CDK6: variants seen among roughly 807,000 people sequenced by gnomAD.
CDK6 encodes cyclin-dependent kinase 6.
Under a neutral mutation model 37.1 loss-of-function variants are expected in CDK6, and 6 were observed. That is an observed-to-expected ratio of 0.16 (90% CI 0.09 to 0.32). The LOEUF (loss-of-function observed/expected upper bound fraction) is 0.32, where lower values mean the gene tolerates loss of function less well. CDK6 is among the 10% of genes least tolerant of loss of function. The pLI is 1.00. For synonymous variants in CDK6, 160 were observed against 161.3 expected, an observed-to-expected ratio of 0.99 and a Z score of 0.06; for missense variants, 224 against 418.9, an observed-to-expected ratio of 0.53 and a Z score of 4.06.
intron 2 of CDK6, among the ~76,000 whole-genome samples, chr7:92,798,880 A>T (rs1800489727): frequency 6.6e-6 from 1 of 152,170 alleles, no homozygotes; most frequent in Non-Finnish European, 1.5e-5. Context: ...GTCTTCTTCT[A>T]TATGGATCTT....
At chr7:92,696,413 GGAAA>G (rs749062451) in intron 4 of CDK6, among the ~76,000 whole-genome samples, 9 of 151,900 alleles carry the variant, frequency 5.9e-5, no homozygotes, top group Non-Finnish European at 1.0e-4. Context: ...TGTTTCACGG[GGAAA>G]GAATTAATAA....
chr7:92,699,092 C>G (rs1441320793), intron 4 of CDK6, among the ~76,000 whole-genome samples: 1 of 152,164 alleles, frequency 6.6e-6, no homozygotes, highest in African/African-American at 2.4e-5. Flanking sequence ...AAAATAGTAA[C>G]TGATATCTTC....
rs943620333 is a variant in CDK6, at chr7:92,833,890, G to A, written c.-367-200C>T. 40 of 398,740 alleles carry A rather than the reference G, an allele frequency of 1.0e-4. No individual in the cohort carries two copies. Among genetic ancestry groups the A allele is most frequent in the Non-Finnish European group, 1.6e-4 (37 of 226,326 alleles). 24.7% of individuals were successfully genotyped at this position (398,740 alleles called of 1,614,324 possible). On this transcript the variant is annotated intron_variant, in intron 1 of 7. Coordinates refer to ENST00000424848, the MANE Select transcript of CDK6 (RefSeq NM_001145306.2). The surrounding 1 kb of genome is among the most constrained non-coding windows in gnomAD (Gnocchi z 6.1). ...GAAGTTACTTTTCTTTCCCTGCAGG[G>A]CTGAAGCCGTCTTCGCGCGGAGAGG...
intron 2 of CDK6, among the ~76,000 whole-genome samples, chr7:92,809,523 G>C (rs751275651): frequency 9.9e-5 from 15 of 152,182 alleles, no homozygotes; most frequent in East Asian, 1.9e-4. Context: ...TGCAACTGAA[G>C]TTTGAACTCC....
intron 5 of CDK6, among the ~76,000 whole-genome samples, chr7:92,632,817 T>C (rs912381834): frequency 5.3e-5 from 8 of 151,908 alleles, no homozygotes; most frequent in Non-Finnish European, 8.8e-5. Context: ...ATAAAATATA[T>C]ACGCATTGTG....
In CDK6 at chr7:92,800,521, T is replaced by C. The variant is rs373871516; in HGVS notation, c.234-25690A>G. ...AGCTTTATTCTTTGTATTACAGTAATTGGCACAGGTACACACACACTTTCT... is the reference window on the plus strand; with the variant it reads ...AGCTTTATTCTTTGTATTACAGTAACTGGCACAGGTACACACACACTTTCT... On this transcript the variant is annotated intron_variant, in intron 2 of 7. Coordinates refer to ENST00000424848, the MANE Select transcript of CDK6 (RefSeq NM_001145306.2). Among the ~76,000 whole-genome samples, 19 of 152,310 alleles carry C rather than the reference T, an allele frequency of 1.2e-4. 2 individuals are homozygous for C. The highest frequency in any genetic ancestry group is 6.2e-4 in the South Asian group (3 of 4,830).
At chr7:92,733,266 G>C (rs190188922) in intron 3 of CDK6, among the ~76,000 whole-genome samples, 2 of 151,592 alleles carry the variant, frequency 1.3e-5, no homozygotes, top group African/African-American at 4.9e-5. Flanking sequence ...TTATAATATC[G>C]CCTTTGCCAT....
chr7:92,799,052 C>T (rs2115889693), intron 2 of CDK6, among the ~76,000 whole-genome samples: 1 of 152,178 alleles, frequency 6.6e-6, no homozygotes, highest in South Asian at 2.1e-4. Flanking sequence ...CCTTCTAATA[C>T]ACTTCCCTAT....
intron 4 of CDK6, among the ~76,000 whole-genome samples, chr7:92,681,335 G>A (rs1417161249): frequency 6.6e-6 from 1 of 152,196 alleles, no homozygotes; most frequent in African/African-American, 2.4e-5. Flanking sequence ...GGGGGGCTGT[G>A]TACTCGTGTC....
At chr7:92,791,383 T>A (rs535506899) in intron 2 of CDK6, among the ~76,000 whole-genome samples, 2 of 152,268 alleles carry the variant, frequency 1.3e-5, no homozygotes, top group East Asian at 1.9e-4. Context: ...CAATATCACT[T>A]CATAAATAAA....
intron 4 of CDK6, among the ~76,000 whole-genome samples, chr7:92,672,190 TACAC>T (rs71107866): frequency 0.041 from 2,575 of 62,664 alleles, 53 homozygotes; most frequent in South Asian, 0.081. Flanking sequence ...CACAGACACA[TACAC>T]ACACACACAC....
chr7:92,662,971 T>C (rs184430193), intron 5 of CDK6, among the ~76,000 whole-genome samples: 4 of 152,226 alleles, frequency 2.6e-5, no homozygotes, highest in African/African-American at 9.6e-5. Flanking sequence ...AGTAAAAGTT[T>C]GGGGAAGAAA....
chr7:92,654,188 C>T (rs1431668321), intron 5 of CDK6, among the ~76,000 whole-genome samples: 1 of 146,468 alleles, frequency 6.8e-6, no homozygotes, highest in Non-Finnish European at 1.5e-5. Context: ...GTGTTCAATT[C>T]TTGTGGCTTT....
chr7:92,643,225 A>G (rs141577262), intron 5 of CDK6, among the ~76,000 whole-genome samples: 1 of 152,366 alleles, frequency 6.6e-6, no homozygotes, highest in East Asian at 1.9e-4. Flanking sequence ...AACTAATGGG[A>G]ATAACACTGG....
chr7:92,667,050 A>G (rs1477144291), intron 5 of CDK6, among the ~76,000 whole-genome samples: 1 of 152,154 alleles, frequency 6.6e-6, no homozygotes, highest in Non-Finnish European at 1.5e-5. Context: ...GATATTGACC[A>G]TCCTGATTCT....
At chr7:92,628,758 C>G (rs1444568388) in intron 5 of CDK6, among the ~76,000 whole-genome samples, 1 of 152,086 alleles carries the variant, frequency 6.6e-6, no homozygotes, top group African/African-American at 2.4e-5. Context: ...GCCTGTGGCA[C>G]CAGACAATAT....
chr7:92,666,276 C>T (rs1485838221), intron 5 of CDK6, among the ~76,000 whole-genome samples: 1 of 152,178 alleles, frequency 6.6e-6, no homozygotes, highest in East Asian at 1.9e-4. Context: ...AGCATTTATC[C>T]CACCTCTGGT....
At chr7:92,678,486 A>G (rs2116618485) in intron 4 of CDK6, among the ~76,000 whole-genome samples, 1 of 152,284 alleles carries the variant, frequency 6.6e-6, no homozygotes, top group Non-Finnish European at 1.5e-5. Context: ...ATCTGTTTAA[A>G]CTGCTTTGAT....
At position 92,609,598 on chromosome 7, in the gene CDK6, T is replaced by C. The variant is rs1795516688; in HGVS notation, c.*5542A>G. ...TGTGCTACTCATTTTGCTCACCTGA[T>C]CTTTAAATTAGGATTTTAAAATTTA... On this transcript the variant is annotated 3_prime_UTR_variant, in exon 8 of 8. Coordinates refer to ENST00000424848, the MANE Select transcript of CDK6 (RefSeq NM_001145306.2). 1 of 230,474 alleles carries C rather than the reference T, an allele frequency of 4.3e-6. No homozygotes were observed. The highest frequency in any genetic ancestry group is 8.6e-6 in the Non-Finnish European group (1 of 116,412). The allele number at this position is 230,474 out of a possible 1,614,324, so 14.3% of individuals were successfully genotyped here. A position where few individuals can be genotyped will look rare whatever the true frequency, so the allele number is the denominator to read the frequency against.
Sources: allele counts gnomAD v4.1 joint callset (sites outside exome capture counted in the v4.1 genomes callset), GRCh38; gene constraint gnomAD v4.1.1; non-coding constraint Gnocchi (gnomAD v3.1); transcripts MANE v1.5; gene names NCBI Gene and HGNC (gene_info 2026-07-23, HGNC 2026-07-21).